LOX: variants seen among roughly 807,000 people sequenced by gnomAD.
LOX encodes the protein lysyl oxidase, also known as protein-lysine 6-oxidase.
LOX carries 12 observed loss-of-function variants against 50.5 expected under a neutral mutation model. That is an observed-to-expected ratio of 0.24 (90% confidence interval 0.15 to 0.38). LOX has a LOEUF of 0.38. LOX is among the 10% of genes least tolerant of loss of function. The pLI is 1.00. For synonymous variants in LOX, 254 were observed against 230.6 expected, an observed-to-expected ratio of 1.10 and a Z score of -0.92; for missense variants, 504 against 563.8, an observed-to-expected ratio of 0.89 and a Z score of 1.07.
rs1434981572 is a variant in LOX at position 122,075,479 on chromosome 5, CT to C, written c.802del (p.Arg268GlufsTer2). 6.2e-7 allele frequency: 1 copy of C among 1,613,346 alleles called. No homozygotes were observed. The highest frequency in any genetic ancestry group is 1.7e-5 in the Admixed American group (1 of 59,952). On this transcript the variant is annotated frameshift_variant, in exon 3 of 7. Coordinates refer to ENST00000231004, the MANE Select transcript of LOX (RefSeq NM_002317.7). LOFTEE classifies it high-confidence loss of function. ...DHRVLLRFPQ[R>X]VKNQGTSDFL... The stretch of plus-strand genomic sequence containing the variant: ...ATCTGATGTCCCTTGGTTTTTCACT[CT>C]TTGGGGAAATCTGAGCAGCACCCTG...
rs867146486 is a variant in LOX, at chr5:122,077,232, C to A, written c.631+123G>T. ...TGGATTCCAGGGCTGCCACTGCAGG[C>A]GCGTGGGGGAGGGATCGGATCTGCG... On this transcript the variant is annotated intron_variant, in intron 1 of 6. Transcript: ENST00000231004. The surrounding 1 kb of genome is among the most constrained non-coding windows in gnomAD (Gnocchi z 4.9). The A allele has an allele frequency of 3.3e-6, 5 of 1,505,362 alleles. No individual in the cohort carries two copies. Among genetic ancestry groups the A allele is most frequent in the Middle Eastern group, 2.4e-4 (1 of 4,188 alleles). The allele number at this position is 1,505,362 out of a possible 1,614,324, so 93.3% of individuals were successfully genotyped here. A position where few individuals can be genotyped will look rare whatever the true frequency, so the allele number is the denominator to read the frequency against.
intron 3 of LOX, among the ~76,000 whole-genome samples, 171 bp from the exon 4 acceptor site, chr5:122,074,340 T>G (rs1754552512): frequency 6.6e-6 from 1 of 152,208 alleles, no homozygotes; most frequent in South Asian, 2.1e-4. Flanking sequence ...CCCCAGGACA[T>G]AAGTCTATCA....
rs1470075358 is a variant in LOX at position 122,075,440 on chromosome 5, C to G, written c.842G>C (p.Arg281Pro). The G allele has an allele frequency of 6.2e-7, 1 of 1,613,642 alleles. No homozygotes were observed. The highest frequency in any genetic ancestry group is 8.5e-7 in the Non-Finnish European group (1 of 1,179,796). ...GTGCCATTCCCAGGAATATCTTGGT[C>G]GGCTGGGTAAGAAATCTGATGTCCC... is the stretch of plus-strand genomic sequence containing the variant. ...NQGTSDFLPSRPRYSWEWHSC... is the reference protein window; with the variant it reads ...NQGTSDFLPSPPRYSWEWHSC... Residue 281 changes from arginine (R) to proline (P), a missense_variant, in exon 3 of 7, where the codon CGA becomes CCA. Arg to Pro is a moderately radical substitution (Grantham distance 103). Coordinates refer to ENST00000231004, the MANE Select transcript of LOX (RefSeq NM_002317.7).
chr5:122,077,330 T>C lies in LOX; in HGVS notation c.631+25A>G. Reference sequence around the variant, plus strand: ...AGCTGGGGACCAGGTGCACGGGTGCTTCCAGCGGACTTGGGGGTACTTACC... The same window carrying C: ...AGCTGGGGACCAGGTGCACGGGTGCCTCCAGCGGACTTGGGGGTACTTACC... On this transcript the variant is annotated intron_variant, in intron 1 of 6. Transcript: ENST00000231004. The surrounding 1 kb of genome is among the most constrained non-coding windows in gnomAD (Gnocchi z 4.9). 6.2e-7 allele frequency: 1 copy of C among 1,613,366 alleles called. No homozygotes were observed. The highest frequency in any genetic ancestry group is 8.5e-7 in the Non-Finnish European group (1 of 1,179,910).
intron 2 of LOX, chr5:122,076,005 T>C (rs1754617352): frequency 6.6e-6 from 1 of 152,326 alleles, no homozygotes; most frequent in African/African-American, 2.4e-5. Context: ...GAAATAACTC[T>C]AAAAGAGCAT....
chr5:122,073,364 A>G (rs1368106621), intron 4 of LOX, among the ~76,000 whole-genome samples: 4 of 152,242 alleles, frequency 2.6e-5, no homozygotes, highest in Non-Finnish European at 5.9e-5. Context: ...ATTATACTGT[A>G]GATTTAAATA....
chr5:122,069,971 CAG>C (rs774293610), intron 6 of LOX, 80 bp downstream of exon 6: 9 of 970,882 alleles, frequency 9.3e-6, no homozygotes, highest in South Asian at 9.0e-5. Flanking sequence ...GTAGCAGAAA[CAG>C]ATACATTCTA....
intron 5 of LOX, 23 bp from the exon 6 acceptor site, chr5:122,070,191 C>T (rs762516320): frequency 1.5e-6 from 2 of 1,312,996 alleles, no homozygotes; most frequent in South Asian, 2.4e-5. Flanking sequence ...AAGAGTTCCT[C>T]AGTATTTCTT....
At chr5:122,076,818 G>T in intron 2 of LOX, 75 bp downstream of exon 2, 1 of 1,285,492 alleles carries the variant, frequency 7.8e-7, no homozygotes, top group Non-Finnish European at 1.1e-6. Context: ...CGAAGCAGTA[G>T]CAGTCAGAAC....
In LOX at chr5:122,066,748, A is replaced by G. The variant is rs779649796; in HGVS notation, c.1249T>C (p.Tyr417His). 4.4e-6 allele frequency: 7 copies of G among 1,593,234 alleles called. No homozygotes were observed. The South Asian group carries it at 7.7e-5, about 18-fold the overall frequency. ...TGGGAGTTTTGCTTTGCCTTCTAAT[A>G]CCTAGATTAAGAAGACAAAATAAGA... ...AYASGCTISP[Y>H] Residue 417 changes from tyrosine to histidine, a missense_variant and splice_region_variant, in exon 7 of 7, where the codon TAT (tyrosine) becomes CAT (histidine). Tyr to His is a moderately conservative substitution (Grantham distance 83, BLOSUM62 2). This residue lies in a region of LOX where 106 missense variants were observed against 198.1 expected (regional missense o/e 0.54). Coordinates refer to ENST00000231004, the MANE Select transcript of LOX (RefSeq NM_002317.7).
Sources: allele counts gnomAD v4.1 joint callset (sites outside exome capture counted in the v4.1 genomes callset), GRCh38; gene constraint gnomAD v4.1.1; regional missense constraint gnomAD v4.1.1; non-coding constraint Gnocchi (gnomAD v3.1); transcripts MANE v1.5; gene names NCBI Gene and HGNC (gene_info 2026-07-23, HGNC 2026-07-21).